The following IL6R variants were observed in gnomAD, a reference collection of about 807,000 sequenced individuals.
The protein encoded by IL6R is interleukin-6 receptor subunit alpha.
IL6R carries 38 observed loss-of-function variants against 48.3 expected under a neutral mutation model. The ratio of observed to expected loss-of-function variants is 0.79; its 90% CI spans 0.61 to 1.03. The LOEUF is 1.03. Ranked by LOEUF, IL6R falls within the 50% of genes least tolerant of loss-of-function variation. The pLI, the probability that IL6R is intolerant of heterozygous loss-of-function variation, is 0.00. For synonymous variants in IL6R, 264 were observed against 256.2 expected, an observed-to-expected ratio of 1.03 and a Z score of -0.29; for missense variants, 534 against 618.3, an observed-to-expected ratio of 0.86 and a Z score of 1.45.
chr1:154,454,115 AC>A (rs1487927750), intron 8 of IL6R: 2 of 259,602 alleles, frequency 7.7e-6, no homozygotes, highest in Middle Eastern at 1.4e-3. Flanking sequence ...CGTTTGTTGT[AC>A]CCTCTTTGTG....
At chr1:154,465,053 G>C in intron 9 of IL6R, 81 bp from the exon 10 acceptor site, 1 of 1,564,572 alleles carries the variant, frequency 6.4e-7, no homozygotes, top group Non-Finnish European at 8.8e-7. Context: ...AGGGCAGCCA[G>C]CTGTTGGTGT....
At chr1:154,442,155 T>A (rs943408247) in intron 6 of IL6R, among the ~76,000 whole-genome samples, 3 of 151,892 alleles carry the variant, frequency 2.0e-5, no homozygotes, top group African/African-American at 7.3e-5. Flanking sequence ...TCCTGGTGGT[T>A]TTAGTATGTG....
At chr1:154,446,035 G>A (rs1690209440) in intron 6 of IL6R, among the ~76,000 whole-genome samples, 1 of 152,050 alleles carries the variant, frequency 6.6e-6, no homozygotes, top group Admixed American at 6.6e-5. Flanking sequence ...AAAGTGCTGG[G>A]ATTACAGGTG....
rs1255585719 is a variant in IL6R at position 154,413,384 on chromosome 1, CTTG to C, written c.85+7675_85+7677del. 2.0e-5 allele frequency among the ~76,000 whole-genome samples: 3 copies of C among 152,208 alleles called. No homozygotes were observed. In the East Asian group the frequency reaches 5.8e-4, roughly 29 times the overall value. ...GTGGGGAATAACTTTGCATATGCCT[CTTG>C]TTGTGTGAGTGCAAGTACACCTGCA... On this transcript the variant is annotated intron_variant, in intron 1 of 9. Transcript: ENST00000368485.
intron 9 of IL6R, among the ~76,000 whole-genome samples, chr1:154,456,967 G>T (rs1690921190): frequency 6.6e-6 from 1 of 152,100 alleles, no homozygotes; most frequent in South Asian, 2.1e-4. Flanking sequence ...GTAGGTGTTG[G>T]AATTACAACA....
At position 154,440,655 on chromosome 1, in the gene IL6R, CTTTTTTT is replaced by C. The variant is rs35390021; in HGVS notation, c.949+4556_949+4562del. Among the ~76,000 whole-genome samples, 293 of 134,964 alleles carry C rather than the reference CTTTTTTT, an allele frequency of 2.2e-3. 1 individual carries two copies. Among genetic ancestry groups the C allele is most frequent in the Admixed American group, 3.2e-3 (41 of 12,804 alleles). 88.5% of individuals were successfully genotyped at this position (134,964 alleles called of 152,430 possible). ...TTTGCATTTCCCTAATGATTAATGT[CTTTTTTT>C]TTTTTTTTTTGAGACAGAGTCTCAC... On this transcript the variant is annotated intron_variant, in intron 6 of 9. Coordinates refer to ENST00000368485, the MANE Select transcript of IL6R (RefSeq NM_000565.4).
At chr1:154,415,172 C>T in intron 1 of IL6R, 1 of 734,624 alleles carries the variant, frequency 1.4e-6, no homozygotes, top group Admixed American at 2.0e-5. Context: ...CCTAGGTCGC[C>T]AGGGGCCCGG....
Position 154,435,951 on chromosome 1 carries a change from C to G in IL6R, c.808-18C>G. On this transcript the variant is annotated intron_variant, in intron 5 of 9. Coordinates refer to ENST00000368485, the MANE Select transcript of IL6R (RefSeq NM_000565.4). ...CATCCTGGATACCTCCCCAGAGTCACCGTGCCCCCGCCCTCAGGTCAAGGA... is the reference window on the plus strand; with the variant it reads ...CATCCTGGATACCTCCCCAGAGTCAGCGTGCCCCCGCCCTCAGGTCAAGGA... 1 of 1,585,954 alleles carries G rather than the reference C, an allele frequency of 6.3e-7. No individual in the cohort carries two copies. Among genetic ancestry groups the G allele is most frequent in the Non-Finnish European group, 8.6e-7 (1 of 1,160,566 alleles).
At position 154,439,925 on chromosome 1, in the gene IL6R, G is replaced by A. The variant is rs1307990536; in HGVS notation, c.949+3815G>A. On this transcript the variant is annotated intron_variant, in intron 6 of 9. Coordinates refer to ENST00000368485, the MANE Select transcript of IL6R (RefSeq NM_000565.4). The stretch of plus-strand genomic sequence containing the variant: ...TTTTTCTCTTTTTTTTTGAGACGGA[G>A]TCTCACTCTGTCACCCACCCAGGCT... Among the ~76,000 whole-genome samples, 6 of 151,706 alleles carry A rather than the reference G, an allele frequency of 4.0e-5. No homozygotes were observed. In the East Asian group the frequency reaches 1.2e-3, roughly 29 times the overall value.
chr1:154,464,165 TA>T (rs58638689), intron 9 of IL6R, among the ~76,000 whole-genome samples: 98,089 of 147,624 alleles, frequency 0.66, 33,976 homozygotes, highest in East Asian at 0.82. Flanking sequence ...TCTTTTTTTT[TA>T]TTTTTGAGAC....
At chr1:154,446,169 T>C (rs562047240) in intron 6 of IL6R, among the ~76,000 whole-genome samples, 11 of 152,290 alleles carry the variant, frequency 7.2e-5, no homozygotes, top group Non-Finnish European at 1.5e-4. Flanking sequence ...TCTGCTGGGC[T>C]GGGAAGAACG....
intron 7 of IL6R, among the ~76,000 whole-genome samples, chr1:154,449,045 G>A (rs12403159): frequency 2.8e-5 from 4 of 144,608 alleles, no homozygotes; most frequent in Admixed American, 1.4e-4. Context: ...AGGCGCCCGC[G>A]ACCGCGCCTG....
In IL6R at chr1:154,434,719, C is replaced by T. The variant is rs1263089731; in HGVS notation, c.640+19C>T. The T allele has an allele frequency of 5.6e-6, 9 of 1,604,706 alleles. No individual in the cohort carries two copies. The highest frequency in any genetic ancestry group is 2.2e-5 in the East Asian group (1 of 44,798). On this transcript the variant is annotated intron_variant, in intron 4 of 9. Coordinates refer to ENST00000368485, the MANE Select transcript of IL6R (RefSeq NM_000565.4). ...GGAATCTGTACGTAAGCTCTAACCC[C>T]CTCTCCAGCAGTTTCCTTCTCTTTT... is the stretch of plus-strand genomic sequence containing the variant.
chr1:154,411,777 A>AG (rs1688033162), intron 1 of IL6R, among the ~76,000 whole-genome samples: 1 of 152,082 alleles, frequency 6.6e-6, no homozygotes, highest in Non-Finnish European at 1.5e-5. Flanking sequence ...CCAAGGCAGG[A>AG]GGATCACTTG....
At chr1:154,461,857 T>A (rs1256750325) in intron 9 of IL6R, among the ~76,000 whole-genome samples, 1 of 152,010 alleles carries the variant, frequency 6.6e-6, no homozygotes, top group African/African-American at 2.4e-5. Flanking sequence ...GGGTGTAGGG[T>A]GAGGTCCTGG....
intron 1 of IL6R, among the ~76,000 whole-genome samples, chr1:154,419,643 C>G (rs1570933476): frequency 6.6e-6 from 1 of 152,274 alleles, no homozygotes; most frequent in East Asian, 1.9e-4. Flanking sequence ...ATGGGATTAG[C>G]AGGCACGAGC....
chr1:154,454,363 G>A, intron 8 of IL6R, 125 bp from the exon 9 acceptor site: 1 of 644,242 alleles, frequency 1.6e-6, no homozygotes, highest in Non-Finnish European at 2.8e-6. Context: ...CTGGGAGGGG[G>A]GTTGGAGGGG....
rs746610451 is a variant in IL6R at position 154,449,956 on chromosome 1, T to C, written c.1042T>C (p.Ser348Pro). Residue 348 changes from serine (S) to proline (P), a missense_variant, in exon 8 of 10, where the codon TCT (serine) becomes CCT (proline). Coordinates refer to ENST00000368485, the MANE Select transcript of IL6R (RefSeq NM_000565.4). The stretch of plus-strand genomic sequence containing the variant: ...CGATGATAATATTCTCTTCAGAGAT[T>C]CTGCAAATGCGACAAGCCTCCCAGG... ...KDDDNILFRD[S>P]ANATSLPVQD... 6.8e-6 allele frequency: 11 copies of C among 1,610,388 alleles called. No individual in the cohort carries two copies. In the African/African-American group the frequency reaches 1.5e-4, roughly 22 times the overall value.
chr1:154,432,039 A>G (rs1426242927), intron 3 of IL6R, among the ~76,000 whole-genome samples: 2 of 152,224 alleles, frequency 1.3e-5, no homozygotes, highest in Non-Finnish European at 2.9e-5. Context: ...AAGCCAGAGC[A>G]GTGACTTCAA....
Sources: gnomAD v4.1 joint callset for allele counts (sites outside exome capture counted in the v4.1 genomes callset) on GRCh38, gnomAD v4.1.1 for gene constraint, MANE v1.5 for transcripts, NCBI Gene and HGNC (gene_info 2026-07-23, HGNC 2026-07-21) for gene names.